Variants in LRRIQ1 observed in about 807,000 individuals in gnomAD.
The protein encoded by LRRIQ1 is leucine-rich repeat- and IQ domain-containing protein 1.
A neutral mutation model predicts 211.9 loss-of-function variants in LRRIQ1; 210 were observed. The observed-to-expected ratio is 0.99, with a 90% CI of 0.89 to 1.11. LRRIQ1 has a LOEUF of 1.11. Ranked by LOEUF, LRRIQ1 falls within the 50% of genes most tolerant of loss-of-function variation. The probability of loss-of-function intolerance (pLI) is 0.00; values close to 1 mark genes in which losing one functional copy is unlikely to be tolerated. For synonymous variants in LRRIQ1, 699 were observed against 650.1 expected (o/e 1.08, Z -1.14); for missense variants, 2,136 against 1,939.5 (o/e 1.10, Z -1.90).
chr12:85,097,360 C>CT (rs1171414074), intron 11 of LRRIQ1, among the ~76,000 whole-genome samples: 1 of 152,076 alleles, frequency 6.6e-6, no homozygotes, highest in Non-Finnish European at 1.5e-5. Context: ...CTGCCACACA[C>CT]TTTTAAACTC....
chr12:85,082,743 A>G (rs1186336098), intron 11 of LRRIQ1, among the ~76,000 whole-genome samples: 2 of 152,062 alleles, frequency 1.3e-5, no homozygotes, highest in Non-Finnish European at 2.9e-5. Context: ...ATTTCTGCTA[A>G]CTCTTATGAT....
At chr12:85,097,675 A>G (rs1165425585) in intron 11 of LRRIQ1, among the ~76,000 whole-genome samples, 1 of 152,072 alleles carries the variant, frequency 6.6e-6, no homozygotes, top group Admixed American at 6.6e-5. Context: ...TTTAAAGAAC[A>G]TTTTCTAGAT....
chr12:85,085,257 A>T (rs1884704751), intron 11 of LRRIQ1, among the ~76,000 whole-genome samples: 1 of 152,194 alleles, frequency 6.6e-6, no homozygotes, highest in Admixed American at 6.5e-5. Context: ...GTTCTGCAAC[A>T]GTTCTTCAGG....
At chr12:85,244,464 C>A (rs1895621355) in intron 26 of LRRIQ1, among the ~76,000 whole-genome samples, 1 of 151,578 alleles carries the variant, frequency 6.6e-6, no homozygotes, top group Admixed American at 6.6e-5. Context: ...AAATAATATA[C>A]TTGGCAAATA....
intron 24 of LRRIQ1, among the ~76,000 whole-genome samples, chr12:85,196,838 A>C (rs1005522209): frequency 9.9e-5 from 15 of 152,284 alleles, no homozygotes; most frequent in Non-Finnish European, 1.6e-4. Flanking sequence ...GGATCTAATT[A>C]AACTAAAGAG....
At chr12:85,098,620 A>G in intron 12 of LRRIQ1, 72 bp downstream of exon 12, 2 of 1,218,142 alleles carry the variant, frequency 1.6e-6, no homozygotes, top group South Asian at 3.0e-5. Context: ...CCAATCACAT[A>G]TTAAAAGCAA....
downstream of LRRIQ1, among the ~76,000 whole-genome samples, chr12:85,247,167 G>A (rs1565927263): frequency 6.6e-6 from 1 of 151,514 alleles, no homozygotes; most frequent in Non-Finnish European, 1.5e-5. Context: ...ACTCTTAGTT[G>A]CTTAATTAAA....
intron 9 of LRRIQ1, 111 bp from the exon 10 acceptor site, chr12:85,066,637 G>C: frequency 8.5e-6 from 6 of 706,432 alleles, no homozygotes; most frequent in Non-Finnish European, 1.3e-5. Flanking sequence ...TAAAGATTCA[G>C]ATATTAATTT....
chr12:85,057,220 T>C (rs1881226509), intron 8 of LRRIQ1, 36 bp downstream of exon 8: 6 of 1,295,310 alleles, frequency 4.6e-6, no homozygotes, highest in Non-Finnish European at 6.2e-6. Context: ...TCACATTTAA[T>C]TACAATTAGC....
chr12:85,197,904 A>C (rs1274366950), intron 24 of LRRIQ1, among the ~76,000 whole-genome samples: 1 of 125,594 alleles, frequency 8.0e-6, no homozygotes, highest in Non-Finnish European at 1.6e-5. Flanking sequence ...AATATAATAA[A>C]ATATATAATA....
At chr12:85,089,305 A>T (rs1885141795) in intron 11 of LRRIQ1, among the ~76,000 whole-genome samples, 1 of 152,194 alleles carries the variant, frequency 6.6e-6, no homozygotes, top group Admixed American at 6.5e-5. Flanking sequence ...TATCAAGAAG[A>T]GGGGCATTGC....
chr12:85,192,003 G>A (rs919342031), intron 24 of LRRIQ1, among the ~76,000 whole-genome samples: 1 of 151,720 alleles, frequency 6.6e-6, no homozygotes, highest in Admixed American at 6.6e-5. Context: ...TTTGTTTTAA[G>A]TATTTTACAT....
At chr12:85,141,084 A>C (rs1212823782) in intron 19 of LRRIQ1, among the ~76,000 whole-genome samples, 1 of 151,120 alleles carries the variant, frequency 6.6e-6, no homozygotes. Flanking sequence ...GGCCTTATAC[A>C]TTTTGTTGGG....
At chr12:85,220,973 G>A (rs1186280538) in intron 24 of LRRIQ1, among the ~76,000 whole-genome samples, 4 of 151,546 alleles carry the variant, frequency 2.6e-5, no homozygotes, top group Non-Finnish European at 4.4e-5. Flanking sequence ...CCACACACCC[G>A]GCTAATTTTT....
chr12:85,230,172 C>T (rs1012098481), intron 25 of LRRIQ1, among the ~76,000 whole-genome samples: 1 of 152,252 alleles, frequency 6.6e-6, no homozygotes, highest in East Asian at 1.9e-4. Context: ...TATTCTCTAG[C>T]AACAAGGTAC....
At chr12:85,059,590 C>T (rs1474977982) in intron 8 of LRRIQ1, among the ~76,000 whole-genome samples, 3 of 151,988 alleles carry the variant, frequency 2.0e-5, no homozygotes, top group Admixed American at 6.6e-5. Flanking sequence ...ATTGATCTCA[C>T]ACCATCATAA....
At chr12:85,272,409 C>T in the LRRIQ1 span, among the ~76,000 whole-genome samples, 9 of 151,960 alleles carry the variant, frequency 5.9e-5, no homozygotes, top group East Asian at 1.2e-3. Flanking sequence ...TGTACCTCTC[C>T]CCAAAAATAG....
chr12:85,261,155 A>G (rs2137336350), intron 1 of LRRIQ1, among the ~76,000 whole-genome samples: 1 of 152,190 alleles, frequency 6.6e-6, no homozygotes, highest in East Asian at 1.9e-4. Context: ...TCCGTTACAG[A>G]CTAGTGTCTG....
intron 5 of LRRIQ1, among the ~76,000 whole-genome samples, chr12:85,046,454 A>G (rs771325035): frequency 2.6e-5 from 4 of 152,104 alleles, no homozygotes; most frequent in Admixed American, 1.3e-4. Flanking sequence ...GTTTATTTTT[A>G]TATTAAGTTT....
Sources: gnomAD v4.1 joint callset for allele counts (sites outside exome capture counted in the v4.1 genomes callset) on GRCh38, gnomAD v4.1.1 for gene constraint, MANE v1.5 for transcripts, NCBI Gene and HGNC (gene_info 2026-07-23, HGNC 2026-07-21) for gene names.